Variants in ZNF407 observed in about 807,000 individuals in gnomAD.
ZNF407 encodes zinc finger protein 407.
ZNF407 carries 17 observed loss-of-function variants against 131.2 expected under a neutral mutation model. That is an observed-to-expected ratio of 0.13 (90% CI 0.09 to 0.19). The LOEUF is 0.19. ZNF407 is among the 10% of genes least tolerant of loss of function. The pLI, the probability that ZNF407 is intolerant of heterozygous loss-of-function variation, is 1.00. For missense variants in ZNF407, 2,681 were observed against 2,830.6 expected, an observed-to-expected ratio of 0.95 and a Z score of 1.20; for synonymous variants, 1,156 against 1,062.0, an observed-to-expected ratio of 1.09 and a Z score of -1.72.
chr18:74,718,084 G>A (rs530091229), intron 3 of ZNF407, among the ~76,000 whole-genome samples: 1 of 151,962 alleles, frequency 6.6e-6, no homozygotes, highest in South Asian at 2.1e-4. Context: ...GCCATAAACA[G>A]CATCCTTTTA....
chr18:74,736,479 G>T (rs1350518931), intron 3 of ZNF407, among the ~76,000 whole-genome samples: 1 of 151,942 alleles, frequency 6.6e-6, no homozygotes. Flanking sequence ...TTACCTAGTG[G>T]GCTTCATTGA....
intron 3 of ZNF407, among the ~76,000 whole-genome samples, chr18:74,754,416 C>T (rs1599125341): frequency 6.6e-6 from 1 of 152,180 alleles, no homozygotes; most frequent in East Asian, 1.9e-4. Context: ...GCTCTTGCTT[C>T]TCTAGTTCTT....
intron 3 of ZNF407, among the ~76,000 whole-genome samples, chr18:74,767,284 T>C (rs1969256570): frequency 6.6e-6 from 1 of 152,198 alleles, no homozygotes; most frequent in Non-Finnish European, 1.5e-5. Context: ...TATTACAAAT[T>C]GTTATAGGAA....
chr18:74,630,587 T>C (rs1345284046), intron 1 of ZNF407, among the ~76,000 whole-genome samples: 3 of 152,160 alleles, frequency 2.0e-5, no homozygotes, highest in Non-Finnish European at 4.4e-5. Flanking sequence ...TTTTAATATA[T>C]TTTACAGAGT....
At chr18:74,990,345 A>C (rs913394246) in intron 8 of ZNF407, among the ~76,000 whole-genome samples, 1 of 152,202 alleles carries the variant, frequency 6.6e-6, no homozygotes, top group African/African-American at 2.4e-5. Flanking sequence ...TAGCCAAAGG[A>C]ATCTAAAATG....
intron 8 of ZNF407, among the ~76,000 whole-genome samples, chr18:75,034,460 T>C (rs188162985): frequency 0.028 from 4,226 of 152,038 alleles, 81 homozygotes; most frequent in African/African-American, 0.048. Context: ...CGCGCCACCA[T>C]GCCCGGCTAA....
At chr18:74,719,638 C>T (rs1355202359) in intron 3 of ZNF407, among the ~76,000 whole-genome samples, 1 of 152,154 alleles carries the variant, frequency 6.6e-6, no homozygotes, top group Non-Finnish European at 1.5e-5. Context: ...CTCCTGACCT[C>T]GTGATCCTCC....
intron 1 of ZNF407, among the ~76,000 whole-genome samples, chr18:74,627,788 C>CTCTCTCTT (rs1340024330): frequency 1.7e-4 from 19 of 108,770 alleles, no homozygotes; most frequent in South Asian, 3.0e-4. Flanking sequence ...TTCTCTCTCT[C>CTCTCTCTT]TCTCTCTTTC....
At position 74,829,415 on chromosome 18, in the gene ZNF407, C is replaced by T. The variant is rs569287126; in HGVS notation, c.4878-47782C>T. On this transcript the variant is annotated intron_variant, in intron 4 of 8. Coordinates refer to ENST00000299687, the MANE Select transcript of ZNF407 (RefSeq NM_017757.3). ...TGTTGTCATAGTTCAATGAATCCAT[C>T]GTAACCTTACCTATTTGTAAGATCT... Among the ~76,000 whole-genome samples, 6 of 152,272 alleles carry T rather than the reference C, an allele frequency of 3.9e-5. No individual in the cohort carries two copies. The South Asian group carries it at 1.0e-3, about 26-fold the overall frequency.
At chr18:75,012,901 GT>G (rs1053394593) in intron 8 of ZNF407, among the ~76,000 whole-genome samples, 1 of 141,138 alleles carries the variant, frequency 7.1e-6, no homozygotes, top group African/African-American at 2.7e-5. Context: ...GTTTTGTTTT[GT>G]TTTTTCAAAT....
At chr18:74,864,199 T>C (rs188792336) in intron 4 of ZNF407, among the ~76,000 whole-genome samples, 9 of 152,318 alleles carry the variant, frequency 5.9e-5, no homozygotes, top group Non-Finnish European at 1.3e-4. Flanking sequence ...AACCCTTCCT[T>C]CTTCTTCTGG....
At chr18:74,648,647 A>C (rs1985084234) in intron 3 of ZNF407, among the ~76,000 whole-genome samples, 1 of 152,194 alleles carries the variant, frequency 6.6e-6, no homozygotes, top group Admixed American at 6.5e-5. Flanking sequence ...TTGATTTTGG[A>C]CAATTGTAAT....
At chr18:74,798,330 G>A (rs1292159328) in intron 4 of ZNF407, among the ~76,000 whole-genome samples, 2 of 151,634 alleles carry the variant, frequency 1.3e-5, no homozygotes, top group Non-Finnish European at 2.9e-5. Context: ...AAAGCAGACT[G>A]CATGATTCAG....
rs769736079 is a variant in ZNF407 at position 74,632,029 on chromosome 18, A to G, written c.1010A>G (p.Gln337Arg). 45 of 1,613,846 alleles carry G rather than the reference A, an allele frequency of 2.8e-5. No individual in the cohort carries two copies. The highest frequency in any genetic ancestry group is 3.8e-5 in the Non-Finnish European group (45 of 1,179,844). The stretch of plus-strand genomic sequence containing the variant: ...GATTTCAGAGGAAGTATTTCTAAAC[A>G]AAGTGGTAGTAGCAGTGAGCTTCTT... ...FKDFRGSISK[Q>R]SGSSSELLVE... Residue 337 changes from glutamine to arginine, a missense_variant, in exon 2 of 9, where the codon CAA (glutamine) becomes CGA (arginine). Gln to Arg is a conservative substitution (Grantham distance 43, BLOSUM62 1). Coordinates refer to ENST00000299687, the MANE Select transcript of ZNF407 (RefSeq NM_017757.3).
intron 4 of ZNF407, among the ~76,000 whole-genome samples, chr18:74,873,597 CA>C (rs1176740532): frequency 6.6e-6 from 1 of 151,998 alleles, no homozygotes; most frequent in Non-Finnish European, 1.5e-5. Flanking sequence ...TGAGGTGGCT[CA>C]AGCCTGTAAT....
At chr18:74,872,416 C>T (rs1322124212) in intron 4 of ZNF407, among the ~76,000 whole-genome samples, 1 of 152,000 alleles carries the variant, frequency 6.6e-6, no homozygotes, top group East Asian at 1.9e-4. Context: ...TGATTAAATT[C>T]ATTGTTTGTC....
chr18:74,784,791 A>G (rs547564514), intron 4 of ZNF407, among the ~76,000 whole-genome samples: 109 of 152,372 alleles, frequency 7.2e-4, no homozygotes, highest in Non-Finnish European at 1.2e-3. Flanking sequence ...ATTGACTAAT[A>G]GTAATCTAGA....
chr18:74,919,172 G>T (rs1218715660), intron 7 of ZNF407, among the ~76,000 whole-genome samples: 1 of 152,112 alleles, frequency 6.6e-6, no homozygotes, highest in Non-Finnish European at 1.5e-5. Flanking sequence ...TACTCCTCTC[G>T]TCAGGAGTGG....
At position 75,064,615 on chromosome 18, in the gene ZNF407, T is replaced by C. The variant is rs1204105694; in HGVS notation, c.*147T>C. On this transcript the variant is annotated 3_prime_UTR_variant, in exon 9 of 9. Coordinates refer to ENST00000299687, the MANE Select transcript of ZNF407 (RefSeq NM_017757.3). ...TCTGAGCATGCCCTCCCAGCGAGAGTCACACTGGCCACCAGCCAGGCGCCC... is the reference window on the plus strand; with the variant it reads ...TCTGAGCATGCCCTCCCAGCGAGAGCCACACTGGCCACCAGCCAGGCGCCC... 1.4e-6 allele frequency: 1 copy of C among 735,074 alleles called. No individual in the cohort carries two copies. The highest frequency in any genetic ancestry group is 2.8e-5 in the East Asian group (1 of 35,174). 45.5% of individuals were successfully genotyped at this position (735,074 alleles called of 1,614,324 possible).
Sources: allele counts gnomAD v4.1 joint callset (sites outside exome capture counted in the v4.1 genomes callset), GRCh38; gene constraint gnomAD v4.1.1; transcripts MANE v1.5; gene names NCBI Gene and HGNC (gene_info 2026-07-23, HGNC 2026-07-21).